STK3: variants seen among roughly 807,000 people sequenced by gnomAD.
STK3 encodes the protein serine/threonine kinase 3.
Under a neutral mutation model 58.0 loss-of-function variants are expected in STK3, and 41 were observed. The ratio of observed to expected loss-of-function variants is 0.71; its 90% CI spans 0.55 to 0.92. STK3 has a LOEUF of 0.92. Among genes scored for constraint, STK3 ranks in the 40% least tolerant of loss-of-function variants. STK3 has a pLI of 0.00. For missense variants in STK3, 479 were observed against 602.7 expected (o/e 0.79, Z 2.15); for synonymous variants, 170 against 191.0 (o/e 0.89, Z 0.91).
intron 6 of STK3, among the ~76,000 whole-genome samples, chr8:98,635,365 C>A (rs527936262): frequency 1.3e-4 from 20 of 152,164 alleles, no homozygotes; most frequent in Admixed American, 1.2e-3. Context: ...TTCTTTTAAT[C>A]CTCACCAAAA....
In STK3 at chr8:98,413,301, C is replaced by CTGG. The variant is rs1196571306; in HGVS notation, n.484-11789_484-11788insCCA. ...AAGTATTGGGATTACAGGCGCAAGC[C>CTGG]ACCATGCCTGGCCTAATTTTGTTTT... is the stretch of plus-strand genomic sequence containing the variant. On this transcript the variant is annotated intron_variant and non_coding_transcript_variant, in intron 3 of 3. Transcript: ENST00000517832. 26 of 461,534 alleles carry CTGG rather than the reference C, an allele frequency of 5.6e-5. No homozygotes were observed. In the East Asian group the frequency reaches 1.4e-3, roughly 26 times the overall value. The allele number at this position is 461,534 out of a possible 1,614,324, so 28.6% of individuals were successfully genotyped here.
At chr8:98,419,466 A>G (rs776213793) in intron 3 of STK3, among the ~76,000 whole-genome samples, 1 of 152,212 alleles carries the variant, frequency 6.6e-6, no homozygotes, top group Non-Finnish European at 1.5e-5. Flanking sequence ...TCTAAAATGC[A>G]GTGCGGATAA....
At chr8:98,448,310 A>C (rs12549563) in intron 1 of STK3, among the ~76,000 whole-genome samples, 47,554 of 152,034 alleles carry the variant, frequency 0.31, 8,774 homozygotes, top group Admixed American at 0.49. Context: ...GAATTCATGA[A>C]TTTGCACACT....
intron 6 of STK3, among the ~76,000 whole-genome samples, chr8:98,662,766 C>A (rs1233935644): frequency 6.6e-6 from 1 of 151,612 alleles, no homozygotes; most frequent in Non-Finnish European, 1.5e-5. Flanking sequence ...CATTGTTGTG[C>A]TGCACCCATT....
chr8:98,918,648 GTC>G (rs1217093631), intron 1 of STK3, among the ~76,000 whole-genome samples: 1 of 151,920 alleles, frequency 6.6e-6, no homozygotes, highest in Non-Finnish European at 1.5e-5. Context: ...TGAACCTGTG[GTC>G]TCAGCTACTC....
At chr8:98,364,691 G>C in the STK3 span, among the ~76,000 whole-genome samples, 2 of 152,144 alleles carry the variant, frequency 1.3e-5, no homozygotes, top group Non-Finnish European at 2.9e-5. Context: ...TTCGTTCTCT[G>C]CCCTCCTAGG....
At chr8:98,597,690 C>G (rs1215393797) in intron 6 of STK3, 13 of 985,260 alleles carry the variant, frequency 1.3e-5, no homozygotes, top group Non-Finnish European at 1.6e-5. Context: ...TGCGTGAGCT[C>G]TATCTAGCCT....
rs1563760735 is a variant in STK3, at chr8:98,579,759, ATAC to A, written c.850_852del (p.Val284del). 6.3e-7 allele frequency: 1 copy of A among 1,596,164 alleles called. No individual in the cohort carries two copies. Among genetic ancestry groups the A allele is most frequent in the Non-Finnish European group, 8.5e-7 (1 of 1,174,806 alleles). ...TCTGTGATCAGGTCTCTTAATATTG[ATAC>A]AGGTTTGGCATTCTTGATAAAAGGA... On this transcript the variant is annotated inframe_deletion, in exon 8 of 11. Transcript: ENST00000419617.
chr8:98,614,905 G>A (rs943913580), intron 6 of STK3, among the ~76,000 whole-genome samples: 1 of 152,162 alleles, frequency 6.6e-6, no homozygotes, highest in South Asian at 2.1e-4. Flanking sequence ...CCATTGCCCG[G>A]GCTTGCTTAG....
chr8:98,814,289 G>C (rs1834405463), intron 1 of STK3, among the ~76,000 whole-genome samples: 1 of 151,312 alleles, frequency 6.6e-6, no homozygotes, highest in Non-Finnish European at 1.5e-5. Context: ...GACCTCAGGT[G>C]ATCCACCTGC....
At chr8:98,688,649 T>C (rs1824183590) in intron 6 of STK3, among the ~76,000 whole-genome samples, 1 of 151,636 alleles carries the variant, frequency 6.6e-6, no homozygotes, top group South Asian at 2.1e-4. Context: ...ACATGAAAAC[T>C]AAACAACGTG....
chr8:98,614,583 C>T (rs547115973), intron 6 of STK3, among the ~76,000 whole-genome samples: 31 of 151,988 alleles, frequency 2.0e-4, no homozygotes, highest in East Asian at 1.4e-3. Flanking sequence ...AGACAGTGGG[C>T]GCAGGCCAGT....
rs778792313 is a variant in STK3, at chr8:98,526,877, CA to C, written c.1181del (p.Met394ArgfsTer47). The C allele has an allele frequency of 9.4e-6, 15 of 1,593,646 alleles. No individual in the cohort carries two copies. Among genetic ancestry groups the C allele is most frequent in the Non-Finnish European group, 1.2e-5 (14 of 1,167,702 alleles). ...TSPQVQRPSFMDYFDKQDFKN... is the reference protein window; with the variant it reads ...TSPQVQRPSFXDYFDKQDFKN... ...TGAAGTCTTGCTTATCAAAGTAGTCCATGAAAGATGGTCTTTGTACTTGTGG... is the reference window on the plus strand; with the variant it reads ...TGAAGTCTTGCTTATCAAAGTAGTCCTGAAAGATGGTCTTTGTACTTGTGG... On this transcript the variant is annotated frameshift_variant, in exon 10 of 11. Transcript: ENST00000419617. LOFTEE classifies it high-confidence loss of function.
chr8:98,369,509 T>A (rs1370599112), downstream of STK3, among the ~76,000 whole-genome samples: 1 of 151,906 alleles, frequency 6.6e-6, no homozygotes, highest in Non-Finnish European at 1.5e-5. Context: ...AGCTGGAGGA[T>A]GTAAGATGAA....
intron 3 of STK3, among the ~76,000 whole-genome samples, chr8:98,757,062 G>A (rs576073176): frequency 1.5e-4 from 20 of 135,266 alleles, no homozygotes; most frequent in African/African-American, 4.9e-4. Flanking sequence ...GTACTTCCCC[G>A]TGGAGCCCCT....
intron 3 of STK3, among the ~76,000 whole-genome samples, chr8:98,876,605 C>G (rs1837567480): frequency 6.6e-6 from 1 of 152,184 alleles, no homozygotes; most frequent in Non-Finnish European, 1.5e-5. Flanking sequence ...TACACTGCGG[C>G]TCCACAAAGC....
At chr8:98,752,224 A>G (rs1007556803) in intron 3 of STK3, among the ~76,000 whole-genome samples, 7 of 152,216 alleles carry the variant, frequency 4.6e-5, no homozygotes, top group Non-Finnish European at 8.8e-5. Context: ...TAACCAAAAC[A>G]GCATGGTTAT....
chr8:98,727,941 TTGG>T (rs1239637217), intron 4 of STK3, among the ~76,000 whole-genome samples: 1 of 152,242 alleles, frequency 6.6e-6, no homozygotes. Context: ...TTCGAGAAAC[TTGG>T]TGAATATGTA....
intron 1 of STK3, chr8:98,904,894 T>G (rs1403096748): frequency 2.9e-6 from 2 of 692,020 alleles, no homozygotes; most frequent in East Asian, 3.2e-5. Flanking sequence ...GTCACAGTTG[T>G]ACTTTGGACT....
Sources: gnomAD v4.1 joint callset for allele counts (sites outside exome capture counted in the v4.1 genomes callset) on GRCh38, gnomAD v4.1.1 for gene constraint, MANE v1.5 for transcripts, NCBI Gene and HGNC (gene_info 2026-07-23, HGNC 2026-07-21) for gene names.